The following TBC1D1 variants were observed in gnomAD, a reference collection of about 807,000 sequenced individuals.
The protein encoded by TBC1D1 is TBC1 domain family member 1, also known as TBC1 (tre-2/USP6, BUB2, cdc16) domain family, member 1.
In TBC1D1, 89 loss-of-function variants were observed where a neutral mutation model predicts 125.6. The observed-to-expected ratio is 0.71, with a 90% CI of 0.60 to 0.85. TBC1D1 has a LOEUF of 0.85. Ranked by LOEUF, TBC1D1 falls within the 40% of genes least tolerant of loss-of-function variation. The pLI, the probability that TBC1D1 is intolerant of heterozygous loss-of-function variation, is 0.00. For synonymous variants in TBC1D1, 565 were observed against 564.1 expected (o/e 1.00, Z -0.02); for missense variants, 1,377 against 1,469.2 (o/e 0.94, Z 1.03).
At chr4:38,136,444 CTG>C (rs1203107583) in intron 19 of TBC1D1, among the ~76,000 whole-genome samples, 1 of 152,164 alleles carries the variant, frequency 6.6e-6, no homozygotes, top group Admixed American at 6.5e-5. Flanking sequence ...GGGTAAATGC[CTG>C]TGTTTCTTGA....
intron 1 of TBC1D1, among the ~76,000 whole-genome samples, chr4:37,898,292 C>G (rs2071329332): frequency 6.6e-6 from 1 of 152,104 alleles, no homozygotes. Context: ...GATACATGCC[C>G]TAAAACACCT....
intron 2 of TBC1D1, among the ~76,000 whole-genome samples, chr4:37,963,571 C>G (rs1312119536): frequency 1.3e-5 from 2 of 152,168 alleles, no homozygotes; most frequent in Non-Finnish European, 2.9e-5. Context: ...GCACAAGAAT[C>G]GCTTCAGCCC....
intron 2 of TBC1D1, among the ~76,000 whole-genome samples, chr4:37,971,395 G>A (rs1018804418): frequency 3.3e-5 from 5 of 152,106 alleles, no homozygotes; most frequent in Admixed American, 2.0e-4. Flanking sequence ...CATCTTACAC[G>A]GCAACAGACA....
chr4:38,054,295 A>G lies in TBC1D1; in HGVS notation c.2007A>G (p.Val669=). ...GGAGGCAGCAGATATTCCTCCGAGT[A>G]GCCACCCCGCAGAAGGCGTGCGATT... The change falls in exon 12 of 20, where the codon GTA becomes GTG. Residue 669 remains valine, a synonymous_variant. Coordinates refer to ENST00000261439, the MANE Select transcript of TBC1D1 (RefSeq NM_015173.4). The G allele has an allele frequency of 6.2e-7, 1 of 1,614,186 alleles. No individual in the cohort carries two copies. Among genetic ancestry groups the G allele is most frequent in the Non-Finnish European group, 8.5e-7 (1 of 1,180,018 alleles).
intron 12 of TBC1D1, among the ~76,000 whole-genome samples, chr4:38,079,416 A>T (rs1455787480): frequency 1.3e-5 from 2 of 152,158 alleles, no homozygotes; most frequent in African/African-American, 4.8e-5. Context: ...GTGCGACTTG[A>T]CTGGTGTTTG....
intron 4 of TBC1D1, 75 bp downstream of exon 4, chr4:38,018,518 C>CCTTTAGCATTTGTT: frequency 1.0e-6 from 1 of 967,776 alleles, no homozygotes; most frequent in Non-Finnish European, 1.6e-6. Flanking sequence ...TATCATGTAA[C>CCTTTAGCATTTGTT]AAATGCTAAA....
chr4:37,966,669 A>C (rs567167455), intron 2 of TBC1D1, among the ~76,000 whole-genome samples: 1 of 152,318 alleles, frequency 6.6e-6, no homozygotes, highest in African/African-American at 2.4e-5. Context: ...TCTAGGATAC[A>C]TGTACGAAAC....
At chr4:37,937,318 A>G (rs1310158478) in intron 2 of TBC1D1, among the ~76,000 whole-genome samples, 5 of 152,224 alleles carry the variant, frequency 3.3e-5, no homozygotes, top group East Asian at 1.9e-4. Flanking sequence ...CCACGCTGCC[A>G]TCTTCTCCCT....
intron 14 of TBC1D1, among the ~76,000 whole-genome samples, chr4:38,102,140 GT>G (rs1322844185): frequency 4.0e-5 from 6 of 151,564 alleles, no homozygotes; most frequent in African/African-American, 1.5e-4. Flanking sequence ...TATACCTAAT[GT>G]TAAATGACGA....
At chr4:38,046,981 G>GAAA (rs1749612113) in intron 10 of TBC1D1, among the ~76,000 whole-genome samples, 1 of 152,186 alleles carries the variant, frequency 6.6e-6, no homozygotes. Flanking sequence ...ATGGCTTTCA[G>GAAA]AATTTTTCTA....
At chr4:37,981,117 A>G (rs1734257523) in intron 2 of TBC1D1, among the ~76,000 whole-genome samples, 1 of 151,788 alleles carries the variant, frequency 6.6e-6, no homozygotes, top group Non-Finnish European at 1.5e-5. Context: ...TAATTTTTGT[A>G]TTTTTAGTAG....
intron 12 of TBC1D1, among the ~76,000 whole-genome samples, chr4:38,076,602 T>C (rs1307087681): frequency 2.0e-5 from 3 of 151,950 alleles, no homozygotes; most frequent in African/African-American, 4.8e-5. Context: ...AAACCTAGAA[T>C]ATAGAATGGA....
chr4:38,099,195 T>C (rs1759876020), intron 14 of TBC1D1, among the ~76,000 whole-genome samples: 1 of 152,318 alleles, frequency 6.6e-6, no homozygotes, highest in Non-Finnish European at 1.5e-5. Flanking sequence ...ATGCTTATTG[T>C]GACATTGTTT....
Position 38,086,032 on chromosome 4 carries a change from C to T in TBC1D1, c.2051-3900C>T, listed in dbSNP as rs573668534. On this transcript the variant is annotated intron_variant, in intron 12 of 19. Coordinates refer to ENST00000261439, the MANE Select transcript of TBC1D1 (RefSeq NM_015173.4). ...GCAGCTTACTTTCTTTGGACTGATT[C>T]AGCAGGCCAAATTTAGAACAAAGAT... is the stretch of plus-strand genomic sequence containing the variant. Among the ~76,000 whole-genome samples, 56 of 152,318 alleles carry T rather than the reference C, an allele frequency of 3.7e-4. No individual in the cohort carries two copies. The South Asian group carries it at 0.011, about 29-fold the overall frequency.
chr4:37,982,040 G>A (rs1734430123), intron 2 of TBC1D1, among the ~76,000 whole-genome samples: 1 of 152,178 alleles, frequency 6.6e-6, no homozygotes, highest in African/African-American at 2.4e-5. Flanking sequence ...CTATTTATAT[G>A]TTGAGTACGA....
intron 2 of TBC1D1, among the ~76,000 whole-genome samples, chr4:37,964,345 C>T (rs755772024): frequency 9.2e-5 from 14 of 152,146 alleles, no homozygotes; most frequent in South Asian, 4.1e-4. Flanking sequence ...AGGGTCGGGG[C>T]GCTGTACTTC....
At chr4:38,098,846 A>T (rs1386822982) in intron 14 of TBC1D1, among the ~76,000 whole-genome samples, 2 of 152,216 alleles carry the variant, frequency 1.3e-5, no homozygotes, top group African/African-American at 4.8e-5. Context: ...ATAGTGACAT[A>T]AAAGACCCTG....
intron 12 of TBC1D1, among the ~76,000 whole-genome samples, chr4:38,070,457 C>G (rs1754516646): frequency 6.6e-6 from 1 of 152,216 alleles, no homozygotes; most frequent in African/African-American, 2.4e-5. Flanking sequence ...GCCTCACACG[C>G]TCCTGCATCG....
At chr4:37,964,882 T>C (rs778838527) in intron 2 of TBC1D1, among the ~76,000 whole-genome samples, 4 of 152,246 alleles carry the variant, frequency 2.6e-5, no homozygotes, top group Non-Finnish European at 2.9e-5. Flanking sequence ...GCTCCTTCCC[T>C]GACAGAGCCT....
Sources: allele counts gnomAD v4.1 joint callset (sites outside exome capture counted in the v4.1 genomes callset), GRCh38; gene constraint gnomAD v4.1.1; transcripts MANE v1.5; gene names NCBI Gene and HGNC (gene_info 2026-07-23, HGNC 2026-07-21).